The following MYO9A variants were observed in gnomAD, a reference collection of about 807,000 sequenced individuals.
The protein encoded by MYO9A is myosin IXA, also known as unconventional myosin-IXa.
Under a neutral mutation model 293.3 loss-of-function variants are expected in MYO9A, and 103 were observed. The observed-to-expected ratio is 0.35, with a 90% CI of 0.30 to 0.41. The LOEUF (loss-of-function observed/expected upper bound fraction) is 0.41. Among genes scored for constraint, MYO9A ranks in the 10% least tolerant of loss-of-function variants. MYO9A has a pLI of 1.00. For synonymous variants in MYO9A, 1,001 were observed against 1,035.7 expected (o/e 0.97, Z 0.64); for missense variants, 2,685 against 3,033.0 (o/e 0.89, Z 2.69).
intron 4 of MYO9A, among the ~76,000 whole-genome samples, chr15:72,024,566 C>A (rs1004332545): frequency 1.3e-5 from 2 of 152,164 alleles, no homozygotes; most frequent in Non-Finnish European, 1.5e-5. Flanking sequence ...AGCCACTGCA[C>A]CTGGCCTATT....
rs1459101491 is a variant in MYO9A at position 71,901,173 on chromosome 15, G to C, written c.3150+18C>G. 1 of 1,600,108 alleles carries C rather than the reference G, an allele frequency of 6.2e-7. No individual in the cohort carries two copies. The highest frequency in any genetic ancestry group is 1.1e-5 in the South Asian group (1 of 88,248). Reference sequence around the variant, plus strand: ...AATAAACTAGTCAATCTCATGCAAAGAATCCTTTGCTTCTCACCTGGATAA... The same window carrying C: ...AATAAACTAGTCAATCTCATGCAAACAATCCTTTGCTTCTCACCTGGATAA... On this transcript the variant is annotated intron_variant, in intron 23 of 41. Transcript: ENST00000356056.
At position 71,880,331 on chromosome 15, in the gene MYO9A, G is replaced by A. The variant is rs758273302; in HGVS notation, c.5622+4C>T. ...CAGGGCCTGACGTGGCAAATAAAGT[G>A]TACCTTTTTCAGAAGAAATTCATCC... is the stretch of plus-strand genomic sequence containing the variant. On this transcript the variant is annotated splice_donor_region_variant and intron_variant, in intron 29 of 41. Coordinates refer to ENST00000356056, the MANE Select transcript of MYO9A (RefSeq NM_006901.4). 5.0e-6 allele frequency: 8 copies of A among 1,613,562 alleles called. No homozygotes were observed. Among genetic ancestry groups the A allele is most frequent in the Non-Finnish European group, 5.9e-6 (7 of 1,179,612 alleles).
intron 39 of MYO9A, among the ~76,000 whole-genome samples, chr15:71,832,043 G>A (rs1388966305): frequency 6.6e-6 from 1 of 152,196 alleles, no homozygotes; most frequent in African/African-American, 2.4e-5. Flanking sequence ...TCGGGAGGCT[G>A]AGGCAGGCAG....
chr15:71,831,173 A>C (rs942841012), intron 39 of MYO9A, among the ~76,000 whole-genome samples: 1 of 152,182 alleles, frequency 6.6e-6, no homozygotes, highest in African/African-American at 2.4e-5. Context: ...AAATGTCAGA[A>C]GTGGCTGTGA....
rs568089357 is a variant in MYO9A at position 71,971,404 on chromosome 15, G to A, written c.1845-3279C>T. Among the ~76,000 whole-genome samples, 212 of 151,954 alleles carry A rather than the reference G, an allele frequency of 1.4e-3. 1 individual carries two copies. Among genetic ancestry groups the A allele is most frequent in the African/African-American group, 4.7e-3 (194 of 41,434 alleles). ...GTTTGAGACCAGCCTGGGCAACAAA[G>A]TTGACTCCTTGTCTCTAAAACAACA... On this transcript the variant is annotated intron_variant, in intron 12 of 41. Coordinates refer to ENST00000356056, the MANE Select transcript of MYO9A (RefSeq NM_006901.4).
chr15:71,876,336 C>T (rs900293542), intron 31 of MYO9A, among the ~76,000 whole-genome samples: 1 of 150,124 alleles, frequency 6.7e-6, no homozygotes, highest in East Asian at 2.0e-4. Context: ...TTGAGACCGG[C>T]TGGTCTCAAA....
At chr15:71,878,822 C>T (rs1443045009) in intron 30 of MYO9A, among the ~76,000 whole-genome samples, 1 of 145,742 alleles carries the variant, frequency 6.9e-6, no homozygotes, top group Non-Finnish European at 1.5e-5. Context: ...TCTCGGCTCA[C>T]TGCAACCTCC....
At chr15:72,099,428 A>G (rs1439331801) in intron 1 of MYO9A, among the ~76,000 whole-genome samples, 1 of 145,460 alleles carries the variant, frequency 6.9e-6, no homozygotes, top group East Asian at 2.0e-4. Flanking sequence ...GCCCCAAAAA[A>G]AAAAAAAAAA....
intron 18 of MYO9A, among the ~76,000 whole-genome samples, chr15:71,927,892 T>C (rs2058354446): frequency 6.7e-6 from 1 of 150,314 alleles, no homozygotes; most frequent in Admixed American, 6.7e-5. Context: ...ACTCATTGTG[T>C]GTCCTTGGCA....
chr15:71,954,089 T>TTTCA (rs899270685), intron 14 of MYO9A, among the ~76,000 whole-genome samples: 5 of 151,572 alleles, frequency 3.3e-5, no homozygotes, highest in African/African-American at 1.2e-4. Flanking sequence ...GGAGATGGGG[T>TTTCA]TTCACCATGT....
At chr15:71,925,333 G>T (rs912930119) in intron 18 of MYO9A, among the ~76,000 whole-genome samples, 5 of 50,902 alleles carry the variant, frequency 9.8e-5, no homozygotes, top group Admixed American at 2.1e-4. Context: ...ACATATATAC[G>T]TATATGTACA....
chr15:71,965,742 CA>C (rs747646315), intron 13 of MYO9A, among the ~76,000 whole-genome samples: 2 of 152,188 alleles, frequency 1.3e-5, no homozygotes, highest in African/African-American at 2.4e-5. Flanking sequence ...GACTCCGTCT[CA>C]AAACAAACAA....
At chr15:72,080,831 A>G (rs892244430) in intron 1 of MYO9A, among the ~76,000 whole-genome samples, 32 of 152,068 alleles carry the variant, frequency 2.1e-4, no homozygotes, top group Non-Finnish European at 4.4e-4. Context: ...TTCTGTTCCC[A>G]TATTAGTTTA....
At chr15:72,080,307 CTTTT>C (rs374292426) in intron 1 of MYO9A, among the ~76,000 whole-genome samples, 5 of 127,370 alleles carry the variant, frequency 3.9e-5, no homozygotes, top group Admixed American at 8.0e-5. Flanking sequence ...CCATGCTTCT[CTTTT>C]TTTTTTTTTT....
In MYO9A at chr15:71,901,340, C is replaced by T; in HGVS notation, c.3001G>A (p.Val1001Ile). The stretch of plus-strand genomic sequence containing the variant: ...TGTCGTTCCTGCTCCTTTAGAAAGA[C>T]CTACCAAAAGGAAGAAAGATGAGGA... ...PDNYQVGKTM[V>I]FLKEQERQHL... is the part of the protein sequence containing the mutation. Residue 1001 changes from valine to isoleucine, a missense_variant and splice_region_variant, in exon 23 of 42, where the codon GTC becomes ATC. Around this residue, in one of 10 missense-constraint regions of MYO9A, gnomAD observed 1,434 missense variants for 1,497.7 expected, o/e 0.96. Transcript: ENST00000356056. 1 of 1,606,654 alleles carries T rather than the reference C, an allele frequency of 6.2e-7. No homozygotes were observed. The highest frequency in any genetic ancestry group is 8.5e-7 in the Non-Finnish European group (1 of 1,177,808).
At position 71,897,532 on chromosome 15, in the gene MYO9A, A is replaced by G. The variant is rs1425269110; in HGVS notation, c.4971T>C (p.Ser1657=). The G allele has an allele frequency of 6.2e-7, 1 of 1,614,144 alleles. No homozygotes were observed. The highest frequency in any genetic ancestry group is 8.5e-7 in the Non-Finnish European group (1 of 1,179,974). ...CATTTCCCTCTCTGGAAAGGTCATCAGAATTGTGGCTGTAAGACTGAGTTG... is the reference window on the plus strand; with the variant it reads ...CATTTCCCTCTCTGGAAAGGTCATCGGAATTGTGGCTGTAAGACTGAGTTG... ...FRPTQSYSHN[S]DDLSREGNAR... is the part of the protein sequence containing the mutation. Residue 1657 remains serine (S), a synonymous_variant, in exon 25 of 42, where the codon TCT becomes TCC. Transcript: ENST00000356056.
At chr15:71,921,508 T>C (rs955246056) in intron 18 of MYO9A, among the ~76,000 whole-genome samples, 1 of 152,182 alleles carries the variant, frequency 6.6e-6, no homozygotes, top group Admixed American at 6.5e-5. Flanking sequence ...ACCTAACTCA[T>C]CCCTACTTCT....
At chr15:72,021,118 G>T in intron 4 of MYO9A, 101 bp from the exon 5 acceptor site, 1 of 671,346 alleles carries the variant, frequency 1.5e-6, no homozygotes, top group Non-Finnish European at 2.5e-6. Flanking sequence ...AAATGTATCA[G>T]CTTTGCTTCA....
intron 1 of MYO9A, among the ~76,000 whole-genome samples, chr15:72,110,694 G>A (rs1056725066): frequency 2.0e-5 from 3 of 151,832 alleles, no homozygotes; most frequent in African/African-American, 7.3e-5. Context: ...TTTCTTTGCA[G>A]TATTTTTTCA....
Sources: gnomAD v4.1 joint callset for allele counts (sites outside exome capture counted in the v4.1 genomes callset) on GRCh38, gnomAD v4.1.1 for gene constraint, gnomAD v4.1.1 regional missense constraint, MANE v1.5 for transcripts, NCBI Gene and HGNC (gene_info 2026-07-23, HGNC 2026-07-21) for gene names.